SP3: variants seen among roughly 807,000 people sequenced by gnomAD.
The protein encoded by SP3 is Sp3 transcription factor.
SP3 carries 10 observed loss-of-function variants against 70.3 expected under a neutral mutation model. The ratio of observed to expected loss-of-function variants is 0.14; its 90% CI spans 0.09 to 0.24. The LOEUF is 0.24. SP3 is among the 10% of genes least tolerant of loss of function. SP3 has a pLI of 1.00. For missense variants in SP3, 825 were observed against 914.6 expected (o/e 0.90, Z 1.26); for synonymous variants, 402 against 333.5 (o/e 1.21, Z -2.24).
chr2:173,910,598 C>A (rs1255613301), intron 6 of SP3, among the ~76,000 whole-genome samples: 1 of 152,186 alleles, frequency 6.6e-6, no homozygotes, highest in Non-Finnish European at 1.5e-5. Context: ...CTATAACACA[C>A]TTTAAAGTCT....
At chr2:173,964,628 A>T (rs1179044529) in intron 1 of SP3, 75 bp from the exon 2 acceptor site, 1 of 602,958 alleles carries the variant, frequency 1.7e-6, no homozygotes, top group Non-Finnish European at 3.1e-6. Flanking sequence ...CGCGGGCCGA[A>T]GCGAAATTAC....
chr2:173,918,480 A>T, intron 5 of SP3, 113 bp downstream of exon 5: 2 of 1,134,556 alleles, frequency 1.8e-6, no homozygotes, highest in Admixed American at 2.2e-5. Context: ...CACACACACC[A>T]AAAATGATCA....
At chr2:173,934,868 A>G (rs1418824193) in intron 4 of SP3, among the ~76,000 whole-genome samples, 1 of 152,220 alleles carries the variant, frequency 6.6e-6, no homozygotes, top group East Asian at 1.9e-4. Flanking sequence ...AACATTCAAG[A>G]AAGAATTTTG....
rs34701673 is a variant in SP3 at position 173,936,110 on chromosome 2, C to T, written c.1640-17325G>A. On this transcript the variant is annotated intron_variant, in intron 4 of 6. Transcript: ENST00000310015. ...TGGCACAATGTCAGCTCACTGCAAC[C>T]TATGCCTCCTGGGTTCAAGCAATTC... Among the ~76,000 whole-genome samples the T allele has an allele frequency of 6.2e-3, 949 of 152,284 alleles. 7 individuals carry two copies. Among genetic ancestry groups the T allele is most frequent in the African/African-American group, 0.022 (900 of 41,564 alleles).
chr2:173,940,471 T>C (rs1009165183), intron 4 of SP3, among the ~76,000 whole-genome samples: 3 of 152,200 alleles, frequency 2.0e-5, no homozygotes, highest in Non-Finnish European at 4.4e-5. Flanking sequence ...TTTTGCACTG[T>C]GGCCTTGGCA....
chr2:173,945,770 C>A (rs1379659693), intron 4 of SP3, among the ~76,000 whole-genome samples: 1 of 152,180 alleles, frequency 6.6e-6, no homozygotes, highest in East Asian at 1.9e-4. Context: ...TCAGATCACA[C>A]ACTGAGAACC....
At chr2:173,917,793 T>C (rs1290870986) in intron 5 of SP3, among the ~76,000 whole-genome samples, 2 of 152,138 alleles carry the variant, frequency 1.3e-5, no homozygotes, top group African/African-American at 4.8e-5. Flanking sequence ...GGAAATTTAA[T>C]ATTATTAACA....
chr2:173,937,924 T>G (rs963462644), intron 4 of SP3, among the ~76,000 whole-genome samples: 1 of 152,226 alleles, frequency 6.6e-6, no homozygotes, highest in Non-Finnish European at 1.5e-5. Flanking sequence ...TCTCTCATCA[T>G]GTTATTCTTA....
rs1689185203 is a variant in SP3 at position 173,901,263 on chromosome 2, T to C, written c.*8678A>G. On this transcript the variant is annotated 3_prime_UTR_variant, in exon 7 of 7. Transcript: ENST00000310015. ...TTTATGACAGTAGGTAAAGAATTTC[T>C]TAAGACACAAAAGCCACAATTCAGA... 6.1e-5 allele frequency among the ~76,000 whole-genome samples: 6 copies of C among 99,082 alleles called. No individual in the cohort carries two copies. The South Asian group carries it at 1.6e-3, about 26-fold the overall frequency. The allele number at this position is 99,082 out of a possible 152,430, so 65.0% of individuals were successfully genotyped here. A position where few individuals can be genotyped will look rare whatever the true frequency, so the allele number is the denominator to read the frequency against.
At chr2:173,949,928 TAA>T (rs1165632579) in intron 4 of SP3, among the ~76,000 whole-genome samples, 1 of 152,216 alleles carries the variant, frequency 6.6e-6, no homozygotes, top group East Asian at 1.9e-4. Flanking sequence ...GAGACTGAAT[TAA>T]GTCTTGGCTT....
At chr2:173,963,019 T>C (rs1474967737) in intron 3 of SP3, 1 of 152,240 alleles carries the variant, frequency 6.6e-6, no homozygotes, top group Non-Finnish European at 1.5e-5. Context: ...GCCAACCAAA[T>C]TCAGCTATAA....
At chr2:173,964,595 G>C (rs576434456) in intron 1 of SP3, 42 bp from the exon 2 acceptor site, 2 of 651,122 alleles carry the variant, frequency 3.1e-6, no homozygotes, top group Non-Finnish European at 2.9e-6. Context: ...GGAGGAAGGC[G>C]GGTGGCGGAG....
intron 4 of SP3, among the ~76,000 whole-genome samples, chr2:173,925,937 T>A (rs941556688): frequency 3.3e-5 from 5 of 152,210 alleles, no homozygotes; most frequent in Non-Finnish European, 7.3e-5. Context: ...AGCAGGAAAG[T>A]GATCTGCTAT....
chr2:173,921,527 C>G (rs2105462543), intron 4 of SP3, among the ~76,000 whole-genome samples: 1 of 108,416 alleles, frequency 9.2e-6, no homozygotes, highest in Non-Finnish European at 1.9e-5. Flanking sequence ...CCGTCACTAT[C>G]CAAAAACAAA....
intron 5 of SP3, among the ~76,000 whole-genome samples, chr2:173,917,063 G>A (rs1338263972): frequency 6.6e-6 from 1 of 152,026 alleles, no homozygotes; most frequent in East Asian, 1.9e-4. Flanking sequence ...AACTTGAAGA[G>A]GGGTGAGATT....
At chr2:173,960,379 A>G (rs1691029984) in intron 3 of SP3, among the ~76,000 whole-genome samples, 1 of 152,226 alleles carries the variant, frequency 6.6e-6, no homozygotes, top group Admixed American at 6.5e-5. Flanking sequence ...GAAAGGAAGG[A>G]GTATAACTGG....
At chr2:173,931,931 A>G (rs372506623) in intron 4 of SP3, among the ~76,000 whole-genome samples, 40 of 152,306 alleles carry the variant, frequency 2.6e-4, no homozygotes, top group African/African-American at 8.4e-4. Flanking sequence ...AATTTTCTCC[A>G]TATCAGCAAT....
intron 4 of SP3, among the ~76,000 whole-genome samples, chr2:173,939,764 C>CAAAAAAAAAA (rs3045251): frequency 0.088 from 6,126 of 69,542 alleles, 761 homozygotes; most frequent in Non-Finnish European, 0.11. Context: ...GACTCCAACT[C>CAAAAAAAAAA]AAAAAAAAAA....
In SP3 at chr2:173,964,410, C is replaced by G; in HGVS notation, c.151G>C (p.Ala51Pro). 1 of 722,096 alleles carries G rather than the reference C, an allele frequency of 1.4e-6. No homozygotes were observed. Among genetic ancestry groups the G allele is most frequent in the Non-Finnish European group, 2.5e-6 (1 of 395,840 alleles). 44.7% of individuals were successfully genotyped at this position (722,096 alleles called of 1,614,324 possible). A position where few individuals can be genotyped will look rare whatever the true frequency, so the allele number is the denominator to read the frequency against. ...GNGAVAAAAA[A>P]QDTQPSPLAL... is the part of the protein sequence containing the mutation. ...GGGGTTCAGCCGCTCCTCACCTGGG[C>G]CGCCGCTGCCGCCGCCACCGCACCG... is the stretch of plus-strand genomic sequence containing the variant. Residue 51 changes from alanine to proline, a missense_variant, in exon 2 of 7, where the codon GCC (alanine) becomes CCC (proline). By Grantham distance (27) the Ala-to-Pro change is conservative. Around this residue, in one of 4 missense-constraint regions of SP3, gnomAD observed 678 missense variants for 651.6 expected, o/e 1.04. Transcript: ENST00000310015.
Sources: gnomAD v4.1 joint callset for allele counts (sites outside exome capture counted in the v4.1 genomes callset) on GRCh38, gnomAD v4.1.1 for gene constraint, gnomAD v4.1.1 regional missense constraint, MANE v1.5 for transcripts, NCBI Gene and HGNC (gene_info 2026-07-23, HGNC 2026-07-21) for gene names.